Variants in ZNF568 observed in about 807,000 individuals in gnomAD.
The protein encoded by ZNF568 is zinc finger protein 568.
In ZNF568, 11 loss-of-function variants were observed where a neutral mutation model predicts 18.1. That is an observed-to-expected ratio of 0.61 (90% confidence interval 0.38 to 1.00). ZNF568 has a LOEUF of 1.00. Ranked by LOEUF, ZNF568 falls within the 50% of genes least tolerant of loss-of-function variation. ZNF568 has a pLI of 0.01. For missense variants in ZNF568, 639 were observed against 768.2 expected, an observed-to-expected ratio of 0.83 and a Z score of 1.99; for synonymous variants, 213 against 246.6, an observed-to-expected ratio of 0.86 and a Z score of 1.28.
chr19:36,943,677 C>T (rs551695384), intron 6 of ZNF568, among the ~76,000 whole-genome samples: 53 of 152,166 alleles, frequency 3.5e-4, no homozygotes, highest in Non-Finnish European at 5.4e-4. Flanking sequence ...CGGGTTCAAG[C>T]GAGTCTCGTG....
chr19:36,950,078 A>G lies in ZNF568; in HGVS notation c.925A>G (p.Lys309Glu). Residue 309 changes from lysine to glutamate, a missense_variant, in exon 7 of 7, where the codon AAG becomes GAG. Coordinates refer to ENST00000333987, the MANE Select transcript of ZNF568 (RefSeq NM_198539.4). The part of the protein sequence containing the change: ...IHTGEKPYAC[K>E]DCWKAFSQKS... The stretch of plus-strand genomic sequence containing the variant: ...TACTGGGGAGAAACCTTATGCATGT[A>G]AGGATTGTTGGAAAGCCTTCAGTCA... The G allele has an allele frequency of 6.2e-7, 1 of 1,613,928 alleles. No homozygotes were observed. Among genetic ancestry groups the G allele is most frequent in the Non-Finnish European group, 8.5e-7 (1 of 1,179,932 alleles).
downstream of ZNF568, chr19:36,997,467 G>C: frequency 6.3e-7 from 1 of 1,587,760 alleles, no homozygotes; most frequent in East Asian, 2.3e-5. Context: ...GACCCCATAA[G>C]TGTAAGGAAT....
intron 7 of ZNF568, among the ~76,000 whole-genome samples, chr19:36,978,347 T>G (rs987623306): frequency 2.0e-5 from 3 of 152,184 alleles, no homozygotes; most frequent in African/African-American, 7.2e-5. Flanking sequence ...CCTGTGGAGT[T>G]CTCCAACATC....
intron 7 of ZNF568, among the ~76,000 whole-genome samples, chr19:36,978,673 A>G (rs2074304989): frequency 6.6e-6 from 1 of 152,066 alleles, no homozygotes; most frequent in African/African-American, 2.4e-5. Context: ...TCAGTTAATT[A>G]TTTCATCTGT....
Position 36,950,625 on chromosome 19 carries a change from G to C in ZNF568, c.1472G>C (p.Arg491Pro). The C allele has an allele frequency of 6.2e-7, 1 of 1,613,386 alleles. No individual in the cohort carries two copies. Among genetic ancestry groups the C allele is most frequent in the Non-Finnish European group, 8.5e-7 (1 of 1,179,786 alleles). ...TTTATTCAGATGTCAAACCTCATTC[G>C]ACACCAGAGAATTCATACGGGTGAG... ...KAFIQMSNLIRHQRIHTGEKP... is the reference protein window; with the variant it reads ...KAFIQMSNLIPHQRIHTGEKP... Residue 491 changes from arginine to proline, a missense_variant, in exon 7 of 7, where the codon CGA becomes CCA. Physicochemically the swap from Arg to Pro is moderately radical, Grantham distance 103. Transcript: ENST00000333987.
chr19:36,965,456 G>T (rs1383453321), intron 6 of ZNF568, among the ~76,000 whole-genome samples: 1 of 152,122 alleles, frequency 6.6e-6, no homozygotes, highest in Non-Finnish European at 1.5e-5. Context: ...GACCAGCATT[G>T]AGTCCCTGAT....
chr19:36,974,365 G>A (rs1183105481), intron 6 of ZNF568: 6 of 1,502,252 alleles, frequency 4.0e-6, no homozygotes, highest in Non-Finnish European at 5.4e-6. Context: ...CTCCCAAGGG[G>A]TTCAGGGAGG....
At position 36,949,660 on chromosome 19, in the gene ZNF568, T is replaced by C; in HGVS notation, c.507T>C (p.Val169=). Residue 169 remains valine (V), a synonymous_variant, in exon 7 of 7, where the codon GTT becomes GTC. Coordinates refer to ENST00000333987, the MANE Select transcript of ZNF568 (RefSeq NM_198539.4). ...TATTTCCTCTGAGTTCAGACATTGT[T>C]ACTTCAAGACAAAGCTTCTATGACT... ...AKIFPLSSDI[V]TSRQSFYDCD... 6.2e-7 allele frequency: 1 copy of C among 1,613,862 alleles called. No homozygotes were observed. Among genetic ancestry groups the C allele is most frequent in the Non-Finnish European group, 8.5e-7 (1 of 1,179,860 alleles).
At chr19:36,926,257 A>G (rs2073552124) in intron 4 of ZNF568, among the ~76,000 whole-genome samples, 1 of 151,660 alleles carries the variant, frequency 6.6e-6, no homozygotes. Flanking sequence ...TTTTGTTTCC[A>G]CCTCTGAAGT....
At chr19:36,974,371 G>A in intron 6 of ZNF568, 1 of 1,524,010 alleles carries the variant, frequency 6.6e-7, no homozygotes, top group South Asian at 1.2e-5. Flanking sequence ...AGGGGTTCAG[G>A]GAGGGATTCA....
At chr19:36,987,624 G>A (rs916187267) in intron 2 of ZNF568, among the ~76,000 whole-genome samples, 5 of 124,830 alleles carry the variant, frequency 4.0e-5, no homozygotes, top group Admixed American at 8.1e-5. Flanking sequence ...TCTTTGGGGT[G>A]CCTTCCATGG....
At chr19:36,984,614 G>A (rs1175744896), downstream of ZNF568, among the ~76,000 whole-genome samples, 1 of 151,428 alleles carries the variant, frequency 6.6e-6, no homozygotes, top group African/African-American at 2.4e-5. Context: ...TTTCTTACAT[G>A]TCAAGCTCTC....
chr19:36,944,983 A>T (rs1243892072), intron 6 of ZNF568, among the ~76,000 whole-genome samples: 1 of 151,016 alleles, frequency 6.6e-6, no homozygotes, highest in African/African-American at 2.4e-5. Flanking sequence ...CTTGTTTCCA[A>T]TTTTTTTCTA....
chr19:36,952,944 A>G (rs1461559416), downstream of ZNF568, among the ~76,000 whole-genome samples: 1 of 152,206 alleles, frequency 6.6e-6, no homozygotes, highest in Admixed American at 6.5e-5. Flanking sequence ...TAGCAACTTG[A>G]TGATGCTGTG....
At chr19:36,942,616 AAG>A (rs369674314) in intron 6 of ZNF568, among the ~76,000 whole-genome samples, 21,644 of 138,080 alleles carry the variant, frequency 0.16, 2,350 homozygotes, top group African/African-American at 0.2. Flanking sequence ...AAAAAAAAAA[AAG>A]AAGAATAGAG....
intron 2 of ZNF568, among the ~76,000 whole-genome samples, chr19:36,919,568 G>A (rs1204528272): frequency 6.6e-6 from 1 of 152,138 alleles, no homozygotes; most frequent in Non-Finnish European, 1.5e-5. Context: ...TCACACTCCT[G>A]TAAGGCTGTA....
At chr19:36,955,161 C>T (rs1264013267), downstream of ZNF568, among the ~76,000 whole-genome samples, 1 of 151,934 alleles carries the variant, frequency 6.6e-6, no homozygotes, top group Non-Finnish European at 1.5e-5. Flanking sequence ...TTCGTGTATC[C>T]ACACAAGTAA....
intron 6 of ZNF568, among the ~76,000 whole-genome samples, chr19:36,957,874 A>G (rs2074119670): frequency 6.6e-6 from 1 of 152,198 alleles, no homozygotes; most frequent in South Asian, 2.1e-4. Context: ...ATATAAAGCT[A>G]ATTTTTAAGA....
chr19:36,979,047 G>T (rs973117936), exon 8 of ZNF568: 1 of 314,592 alleles, frequency 3.2e-6, no homozygotes, highest in Admixed American at 4.5e-5. Context: ...GCAATGGCGC[G>T]ATCTCAGCTC....
Sources: gnomAD v4.1 joint callset for allele counts (sites outside exome capture counted in the v4.1 genomes callset) on GRCh38, gnomAD v4.1.1 for gene constraint, MANE v1.5 for transcripts, NCBI Gene and HGNC (gene_info 2026-07-23, HGNC 2026-07-21) for gene names.